Variants in CDH23 observed in about 807,000 individuals in gnomAD.
CDH23 encodes cadherin related 23.
Under a neutral mutation model 317.1 loss-of-function variants are expected in CDH23, and 189 were observed. That is an observed-to-expected ratio of 0.60 (90% CI 0.53 to 0.67). The LOEUF is 0.67. CDH23 is among the 30% of genes least tolerant of loss of function. CDH23 has a pLI of 0.00. For missense variants in CDH23, 4,401 were observed against 4,592.4 expected, an observed-to-expected ratio of 0.96 and a Z score of 1.20; for synonymous variants, 1,839 against 1,876.8, an observed-to-expected ratio of 0.98 and a Z score of 0.52.
intron 6 of CDH23, among the ~76,000 whole-genome samples, chr10:71,548,619 A>AG (rs1358759410): frequency 2.0e-5 from 3 of 152,212 alleles, no homozygotes; most frequent in Non-Finnish European, 4.4e-5. Context: ...AACCTTGCCA[A>AG]GGGGGGCACT....
rs180945559 is a variant in CDH23 at position 71,740,281 on chromosome 10, C to T, written c.4488+509C>T. Among the ~76,000 whole-genome samples the T allele has an allele frequency of 4.6e-3, 705 of 152,332 alleles. 16 individuals are homozygous for T. Among genetic ancestry groups the T allele is most frequent in the South Asian group, 3.1e-3 (15 of 4,830 alleles). On this transcript the variant is annotated intron_variant, in intron 36 of 69. Transcript: ENST00000224721. ...GGGCTTTCTGGGAACCTCAGGACTG[C>T]GCTTCTGCAGAGGGCTCAGCTCCTG...
At chr10:71,412,134 A>T (rs1589274358) in intron 1 of CDH23, among the ~76,000 whole-genome samples, 1 of 152,332 alleles carries the variant, frequency 6.6e-6, no homozygotes, top group Non-Finnish European at 1.5e-5. Flanking sequence ...TAGTAGGTGT[A>T]TGAATTTAAG....
intron 19 of CDH23, among the ~76,000 whole-genome samples, chr10:71,689,086 G>T (rs1301179358): frequency 5.0e-5 from 7 of 139,022 alleles, no homozygotes; most frequent in South Asian, 2.3e-4. Context: ...GCCAGGGGTG[G>T]TGGAGCCAGG....
intron 9 of CDH23, among the ~76,000 whole-genome samples, chr10:71,581,212 G>A (rs368295043): frequency 2.0e-5 from 3 of 152,226 alleles, no homozygotes; most frequent in Admixed American, 1.3e-4. Context: ...CTGAGTGCCC[G>A]GTAGGGGCCT....
intron 34 of CDH23, among the ~76,000 whole-genome samples, chr10:71,735,937 CA>C (rs1839551929): frequency 6.6e-6 from 1 of 152,250 alleles, no homozygotes; most frequent in Non-Finnish European, 1.5e-5. Context: ...AGCCAAGGGG[CA>C]GACACTCAGG....
At position 71,800,672 on chromosome 10, in the gene CDH23, A is replaced by G. The variant is rs762446057; in HGVS notation, c.7399A>G (p.Lys2467Glu). 32 of 1,613,678 alleles carry G rather than the reference A, an allele frequency of 2.0e-5. No individual in the cohort carries two copies. Among genetic ancestry groups the G allele is most frequent in the South Asian group, 8.8e-5 (8 of 91,074 alleles). Residue 2467 changes from lysine to glutamate, a missense_variant, in exon 53 of 70, where the codon AAG (lysine) becomes GAG (glutamate). Around this residue, in one of 3 missense-constraint regions of CDH23, gnomAD observed 189 missense variants for 250.9 expected, o/e 0.75. Coordinates refer to ENST00000224721, the MANE Select transcript of CDH23 (RefSeq NM_022124.6). ...TGTGCTGTCTTCTCTGGACCGGGAG[A>G]AGAAGGACCACTATATCCTGACTGC... ...IYVLSSLDRE[K>E]KDHYILTALA...
At chr10:71,733,600 A>G (rs1444592199) in intron 32 of CDH23, among the ~76,000 whole-genome samples, 3 of 152,182 alleles carry the variant, frequency 2.0e-5, no homozygotes, top group African/African-American at 7.2e-5. Flanking sequence ...GACCAAATGC[A>G]TATTTCTTAT....
rs943235502 is a variant in CDH23 at position 71,815,448 on chromosome 10, A to G, written c.*170A>G. 1 of 552,644 alleles carries G rather than the reference A, an allele frequency of 1.8e-6. No homozygotes were observed. The highest frequency in any genetic ancestry group is 3.1e-6 in the Non-Finnish European group (1 of 318,130). The allele number at this position is 552,644 out of a possible 1,614,324, so 34.2% of individuals were successfully genotyped here. The stretch of plus-strand genomic sequence containing the variant: ...CAGCTGCTCAGATCCCACTTTTGCC[A>G]GACGCTCATTCAGCATCTGACCTCT... On this transcript the variant is annotated 3_prime_UTR_variant, in exon 70 of 70. Transcript: ENST00000224721.
chr10:71,519,952 C>A (rs903189599), intron 6 of CDH23, among the ~76,000 whole-genome samples: 2 of 152,092 alleles, frequency 1.3e-5, no homozygotes, highest in African/African-American at 2.4e-5. Context: ...ACATGCCTAG[C>A]TAATTTTTGT....
chr10:71,727,495 TC>T (rs34588206), intron 30 of CDH23, among the ~76,000 whole-genome samples: 1 of 152,184 alleles, frequency 6.6e-6, no homozygotes, highest in Non-Finnish European at 1.5e-5. Context: ...ACTCTGGCTT[TC>T]CGCTGGACTC....
At chr10:71,451,836 A>G (rs758015400) in intron 3 of CDH23, among the ~76,000 whole-genome samples, 6 of 152,184 alleles carry the variant, frequency 3.9e-5, no homozygotes, top group Non-Finnish European at 8.8e-5. Flanking sequence ...GAAGGAGTGC[A>G]TGTCTGGACT....
chr10:71,537,677 A>C (rs1292664814), intron 6 of CDH23, among the ~76,000 whole-genome samples: 3 of 152,160 alleles, frequency 2.0e-5, no homozygotes, highest in African/African-American at 7.2e-5. Flanking sequence ...ATCCCAAAAA[A>C]ACCCCAGCTG....
At chr10:71,434,130 A>G (rs1835668637) in intron 1 of CDH23, among the ~76,000 whole-genome samples, 1 of 150,976 alleles carries the variant, frequency 6.6e-6, no homozygotes, top group Non-Finnish European at 1.5e-5. Flanking sequence ...GGGCCTTTGC[A>G]CAGGCCGCTC....
At chr10:71,556,147 G>A (rs1387762888) in intron 6 of CDH23, among the ~76,000 whole-genome samples, 1 of 152,232 alleles carries the variant, frequency 6.6e-6, no homozygotes, top group Admixed American at 6.5e-5. Context: ...AGTAGTGAAA[G>A]AAGAGTTTAA....
chr10:71,790,035 C>T (rs1279955701), intron 45 of CDH23, among the ~76,000 whole-genome samples: 1 of 152,224 alleles, frequency 6.6e-6, no homozygotes, highest in Non-Finnish European at 1.5e-5. Flanking sequence ...GCAGATGTGG[C>T]TCTGGGCAGC....
intron 6 of CDH23, among the ~76,000 whole-genome samples, chr10:71,560,333 G>C (rs1177159734): frequency 6.6e-6 from 1 of 152,094 alleles, no homozygotes; most frequent in Non-Finnish European, 1.5e-5. Context: ...GTGCAATTTT[G>C]AAGTACCCTC....
Position 71,813,358 on chromosome 10 carries a change from T to C in CDH23, c.9738+10T>C. On this transcript the variant is annotated intron_variant, in intron 69 of 69. Coordinates refer to ENST00000224721, the MANE Select transcript of CDH23 (RefSeq NM_022124.6). Reference sequence around the variant, plus strand: ...CTCCTCCATCTCTGAGGTAGCCGGCTGGGTGGCTGGGAGCTGTGTGCTGTG... The same window carrying C: ...CTCCTCCATCTCTGAGGTAGCCGGCCGGGTGGCTGGGAGCTGTGTGCTGTG... The C allele has an allele frequency of 6.5e-7, 1 of 1,548,706 alleles. No homozygotes were observed. Among genetic ancestry groups the C allele is most frequent in the Non-Finnish European group, 8.7e-7 (1 of 1,144,540 alleles).
intron 14 of CDH23, among the ~76,000 whole-genome samples, chr10:71,652,706 A>G (rs2132613348): frequency 6.6e-6 from 1 of 152,300 alleles, no homozygotes; most frequent in Admixed American, 6.5e-5. Flanking sequence ...CTAGGAACAC[A>G]CGCTGGAAAT....
At chr10:71,521,202 G>A (rs528228685) in intron 6 of CDH23, among the ~76,000 whole-genome samples, 2 of 151,456 alleles carry the variant, frequency 1.3e-5, no homozygotes, top group South Asian at 4.2e-4. Context: ...CTTCATCATT[G>A]ATCAGCCAGC....
Sources: gnomAD v4.1 joint callset for allele counts (sites outside exome capture counted in the v4.1 genomes callset) on GRCh38, gnomAD v4.1.1 for gene constraint, gnomAD v4.1.1 regional missense constraint, MANE v1.5 for transcripts, NCBI Gene and HGNC (gene_info 2026-07-23, HGNC 2026-07-21) for gene names.